Variants in SNX29 observed in about 807,000 individuals in gnomAD.
SNX29 encodes the protein sorting nexin 29.
SNX29 carries 78 observed loss-of-function variants against 102.1 expected under a neutral mutation model. That is an observed-to-expected ratio of 0.76 (90% CI 0.64 to 0.92). The LOEUF is 0.92. Among genes scored for constraint, SNX29 ranks in the 40% least tolerant of loss-of-function variants. The probability of loss-of-function intolerance (pLI) is 0.00; values close to 1 mark genes in which losing one functional copy is unlikely to be tolerated. For missense variants in SNX29, 1,280 were observed against 1,061.7 expected, an observed-to-expected ratio of 1.21 and a Z score of -2.86; for synonymous variants, 580 against 414.5, an observed-to-expected ratio of 1.40 and a Z score of -4.85.
intron 15 of SNX29, among the ~76,000 whole-genome samples, chr16:12,320,839 T>G (rs2080908144): frequency 6.6e-6 from 1 of 152,212 alleles, no homozygotes; most frequent in Non-Finnish European, 1.5e-5. Flanking sequence ...GAAAAGGCAA[T>G]TGGGAGTTTA....
intron 19 of SNX29, among the ~76,000 whole-genome samples, chr16:12,479,493 A>T (rs2087807443): frequency 6.6e-6 from 1 of 152,230 alleles, no homozygotes; most frequent in Admixed American, 6.5e-5. Context: ...ACAGTTACAA[A>T]GCAGGTTTAT....
chr16:12,435,985 C>T (rs2085518617), intron 18 of SNX29, among the ~76,000 whole-genome samples: 1 of 152,166 alleles, frequency 6.6e-6, no homozygotes, highest in Admixed American at 6.5e-5. Context: ...GGGTCTGGGC[C>T]TTGGGGTTGG....
intron 13 of SNX29, among the ~76,000 whole-genome samples, chr16:12,187,989 A>G (rs925943803): frequency 6.6e-6 from 1 of 152,198 alleles, no homozygotes; most frequent in South Asian, 2.1e-4. Flanking sequence ...GAGCTGGGGA[A>G]GAGGACTCAG....
At chr16:12,250,043 A>G (rs900368686) in intron 14 of SNX29, among the ~76,000 whole-genome samples, 2 of 152,306 alleles carry the variant, frequency 1.3e-5, no homozygotes, top group African/African-American at 2.4e-5. Flanking sequence ...CTCCAGTGCC[A>G]GGGGAGCCCA....
Position 11,976,752 on chromosome 16 carries a change from G to A in SNX29, c.-55G>A, listed in dbSNP as rs1444914242. The A allele has an allele frequency of 2.4e-6, 3 of 1,255,404 alleles. No homozygotes were observed. The highest frequency in any genetic ancestry group is 1.6e-5 in the African/African-American group (1 of 63,696). The allele number at this position is 1,255,404 out of a possible 1,614,324, so 77.8% of individuals were successfully genotyped here. ...CCGGCCTGTCTGGAGCTCGGCAGCC[G>A]CAGAAGCGGCAGCGGCGGCGGCGCG... On this transcript the variant is annotated 5_prime_UTR_variant, in exon 1 of 21. Coordinates refer to ENST00000566228, the MANE Select transcript of SNX29 (RefSeq NM_032167.5).
Position 12,498,310 on chromosome 16 carries a change from G to A in SNX29, c.2178+20451G>A, listed in dbSNP as rs535927916. On this transcript the variant is annotated intron_variant, in intron 19 of 20. Transcript: ENST00000566228. ...CAGGTGAGGCAAAACAGCAAGGCAG[G>A]GCCAGTTACCTTGTATGCTTAGCTA... Among the ~76,000 whole-genome samples the A allele has an allele frequency of 3.9e-5, 6 of 152,232 alleles. No homozygotes were observed. In the South Asian group the frequency reaches 1.2e-3, roughly 32 times the overall value.
chr16:12,008,239 T>A (rs1239539085), intron 3 of SNX29, among the ~76,000 whole-genome samples: 5 of 137,852 alleles, frequency 3.6e-5, no homozygotes, highest in Admixed American at 7.3e-5. Flanking sequence ...CCACTGCGCC[T>A]GGCCTGCTTT....
intron 15 of SNX29, among the ~76,000 whole-genome samples, chr16:12,340,051 G>T (rs1157056748): frequency 1.3e-5 from 2 of 152,232 alleles, no homozygotes; most frequent in African/African-American, 4.8e-5. Flanking sequence ...GGGTCTTTTA[G>T]CATCAAATGA....
At chr16:12,062,630 T>C (rs1454039282) in intron 9 of SNX29, among the ~76,000 whole-genome samples, 1 of 152,066 alleles carries the variant, frequency 6.6e-6, no homozygotes, top group Non-Finnish European at 1.5e-5. Context: ...CACCGCTGGG[T>C]CAGAGAAGAC....
chr16:12,020,421 C>G (rs150162080), intron 3 of SNX29, among the ~76,000 whole-genome samples: 1,955 of 151,970 alleles, frequency 0.013, 31 homozygotes, highest in African/African-American at 0.045. Context: ...AGGCTGGTTT[C>G]AAACTCCTGG....
chr16:12,143,579 C>A (rs1037077858), intron 13 of SNX29, among the ~76,000 whole-genome samples: 12 of 152,110 alleles, frequency 7.9e-5, no homozygotes, highest in Admixed American at 4.6e-4. Flanking sequence ...TGGTAACAGA[C>A]CCTCCCTTAG....
intron 15 of SNX29, among the ~76,000 whole-genome samples, chr16:12,287,332 T>C (rs7199556): frequency 0.6 from 91,933 of 152,068 alleles, 28,447 homozygotes; most frequent in African/African-American, 0.7. Flanking sequence ...GGAAGGTCTC[T>C]GAAGGAAGAG....
At chr16:12,341,824 A>G (rs1287686428) in intron 15 of SNX29, among the ~76,000 whole-genome samples, 2 of 152,202 alleles carry the variant, frequency 1.3e-5, no homozygotes, top group Non-Finnish European at 2.9e-5. Flanking sequence ...GGGAGCAGGT[A>G]GGGTGCATGG....
Position 12,541,095 on chromosome 16 carries a change from C to A in SNX29, c.2318+16254C>A, listed in dbSNP as rs190354994. Among the ~76,000 whole-genome samples, 262 of 152,284 alleles carry A rather than the reference C, an allele frequency of 1.7e-3. 1 individual carries two copies. The highest frequency in any genetic ancestry group is 5.8e-3 in the African/African-American group (239 of 41,558). ...TGACTAGCTGCCTCATGCATCCACT[C>A]CAGGTTTGAAAGCTGACTTGGAGGG... On this transcript the variant is annotated intron_variant, in intron 20 of 20. Transcript: ENST00000566228.
At chr16:11,982,117 C>G (rs1051260868) in intron 1 of SNX29, among the ~76,000 whole-genome samples, 2 of 150,918 alleles carry the variant, frequency 1.3e-5, no homozygotes, top group Non-Finnish European at 2.9e-5. Flanking sequence ...ATACTGAAGA[C>G]AATATTTATG....
At chr16:12,292,307 C>T (rs1214478784) in intron 15 of SNX29, among the ~76,000 whole-genome samples, 1 of 152,200 alleles carries the variant, frequency 6.6e-6, no homozygotes, top group Non-Finnish European at 1.5e-5. Context: ...GTCATTCCTA[C>T]TAGAGAGAGT....
chr16:12,564,759 G>C (rs1423119133), intron 20 of SNX29, among the ~76,000 whole-genome samples: 1 of 151,650 alleles, frequency 6.6e-6, no homozygotes, highest in African/African-American at 2.4e-5. Context: ...CTGCTTCTTG[G>C]TGATTGGCTT....
intron 14 of SNX29, among the ~76,000 whole-genome samples, chr16:12,239,470 A>G (rs2078034358): frequency 6.6e-6 from 1 of 151,984 alleles, no homozygotes; most frequent in South Asian, 2.1e-4. Flanking sequence ...CTCAGTACCA[A>G]GGAAATGTCA....
chr16:11,995,931 G>A (rs542223089), intron 1 of SNX29, among the ~76,000 whole-genome samples: 2 of 152,008 alleles, frequency 1.3e-5, no homozygotes, highest in Non-Finnish European at 2.9e-5. Context: ...GTGGTGGTGC[G>A]TGCCTGTAAT....
Sources: allele counts gnomAD v4.1 joint callset (sites outside exome capture counted in the v4.1 genomes callset), GRCh38; gene constraint gnomAD v4.1.1; transcripts MANE v1.5; gene names NCBI Gene and HGNC (gene_info 2026-07-23, HGNC 2026-07-21).